Variants in TRIP11 observed in about 807,000 individuals in gnomAD.
TRIP11 encodes thyroid receptor-interacting protein 11.
A neutral mutation model predicts 223.1 loss-of-function variants in TRIP11; 148 were observed. The ratio of observed to expected loss-of-function variants is 0.66; its 90% confidence interval spans 0.58 to 0.76. The LOEUF (loss-of-function observed/expected upper bound fraction) is 0.76. Among genes scored for constraint, TRIP11 ranks in the 30% least tolerant of loss-of-function variants. The pLI is 0.00. For synonymous variants in TRIP11, 762 were observed against 772.6 expected, an observed-to-expected ratio of 0.99 and a Z score of 0.23; for missense variants, 2,043 against 2,222.0, an observed-to-expected ratio of 0.92 and a Z score of 1.62.
chr14:91,989,775 T>C (rs561256298), intron 15 of TRIP11, among the ~76,000 whole-genome samples: 1 of 152,262 alleles, frequency 6.6e-6, no homozygotes, highest in East Asian at 1.9e-4. Flanking sequence ...CACATTATTC[T>C]GGATAATTTG....
chr14:92,026,971 G>A lies in TRIP11; in HGVS notation c.202-1551C>T. ...ACTTCCCCTCTCAGAATCTAAACGT[G>A]GTCACCTTCAAGTAGAGAGGCCCGC... On this transcript the variant is annotated intron_variant, in intron 2 of 20. Coordinates refer to ENST00000267622, the MANE Select transcript of TRIP11 (RefSeq NM_004239.4). The A allele has an allele frequency of 9.1e-6, 9 of 990,388 alleles. 1 individual carries two copies. The South Asian group carries it at 9.7e-5, about 11-fold the overall frequency. The allele number at this position is 990,388 out of a possible 1,614,324, so 61.4% of individuals were successfully genotyped here. A position where few individuals can be genotyped will look rare whatever the true frequency, so the allele number is the denominator to read the frequency against.
intron 11 of TRIP11, among the ~76,000 whole-genome samples, chr14:92,001,534 G>A (rs2056826110): frequency 6.6e-6 from 1 of 151,898 alleles, no homozygotes; most frequent in Non-Finnish European, 1.5e-5. Context: ...TATATACAGA[G>A]TATTGGAAGA....
Position 92,004,719 on chromosome 14 carries a change from T to C in TRIP11, c.3257A>G (p.Tyr1086Cys), listed in dbSNP as rs2056875390. 2 of 1,614,074 alleles carry C rather than the reference T, an allele frequency of 1.2e-6. No homozygotes were observed. Among genetic ancestry groups the C allele is most frequent in the African/African-American group, 2.7e-5 (2 of 74,948 alleles). The change falls in exon 11 of 21, where the codon TAC (tyrosine) becomes TGC (cysteine). Residue 1086 changes from tyrosine to cysteine, a missense_variant. Tyr to Cys is a radical substitution (Grantham distance 194). Coordinates refer to ENST00000267622, the MANE Select transcript of TRIP11 (RefSeq NM_004239.4). ...SSTSHTQDVV[Y>C]LQQQLQAYAM... ...ATAAGCCTGCAGTTGCTGTTGAAGGTAAACAACATCTTGAGTATGGGAAGT... is the reference window on the plus strand; with the variant it reads ...ATAAGCCTGCAGTTGCTGTTGAAGGCAAACAACATCTTGAGTATGGGAAGT...
chr14:92,026,853 A>T (rs2057194808), intron 2 of TRIP11: 1 of 1,517,494 alleles, frequency 6.6e-7, no homozygotes, highest in Admixed American at 1.8e-5. Flanking sequence ...GACGATGTTG[A>T]TACCAAGAAG....
intron 5 of TRIP11, 102 bp from the exon 6 acceptor site, chr14:92,015,963 C>A: frequency 8.6e-7 from 1 of 1,158,284 alleles, no homozygotes; most frequent in Non-Finnish European, 1.2e-6. Flanking sequence ...AAAAAGAATT[C>A]TCAGAACATG....
Position 91,972,773 on chromosome 14 carries a change from G to A in TRIP11, c.5663C>T (p.Pro1888Leu), listed in dbSNP as rs536357760. Residue 1888 changes from proline to leucine, a missense_variant, in exon 20 of 21, where the codon CCT becomes CTT. By Grantham distance (98) the Pro-to-Leu change is moderately conservative (BLOSUM62 -3). Coordinates refer to ENST00000267622, the MANE Select transcript of TRIP11 (RefSeq NM_004239.4). ...TTTTCTTCTTCCTGGTGAATCCAGA[G>A]GTTTCATATCATGAACAGAAAGCTT... ...PPKLSVHDMK[P>L]LDSPGRRKRD... The A allele has an allele frequency of 5.8e-5, 94 of 1,613,284 alleles. No homozygotes were observed. The South Asian group carries it at 7.9e-4, about 14-fold the overall frequency.
chr14:92,025,517 C>CCCT (rs1374152842), intron 2 of TRIP11, 97 bp from the exon 3 acceptor site: 2 of 782,004 alleles, frequency 2.6e-6, no homozygotes, highest in Non-Finnish European at 2.1e-6. Context: ...TTTCCCCCCC[C>CCCT]AAAAATGTCA....
At chr14:92,027,000 C>T (rs535419009) in intron 2 of TRIP11, 4 of 719,960 alleles carry the variant, frequency 5.6e-6, no homozygotes, top group Admixed American at 4.6e-5. Flanking sequence ...GGCCCGCCCG[C>T]CCACCGTGGG....
At chr14:92,012,846 C>G (rs920525886) in intron 7 of TRIP11, among the ~76,000 whole-genome samples, 1 of 152,066 alleles carries the variant, frequency 6.6e-6, no homozygotes. Flanking sequence ...AACATCATCC[C>G]GAAGTTCACA....
At chr14:92,001,565 C>G (rs2056826480) in intron 11 of TRIP11, among the ~76,000 whole-genome samples, 1 of 151,852 alleles carries the variant, frequency 6.6e-6, no homozygotes, top group Admixed American at 6.6e-5. Context: ...CACTAATTAC[C>G]CTCAAGTAAT....
Position 91,999,227 on chromosome 14 carries a change from A to C in TRIP11, c.4892+13T>G. 6.2e-7 allele frequency: 1 copy of C among 1,611,558 alleles called. No homozygotes were observed. The highest frequency in any genetic ancestry group is 1.3e-5 in the African/African-American group (1 of 75,010). ...GTTCAGTTAAAGTTAATGCAAAAAA[A>C]TGAAAAAATTACCTTGCATTTTCCA... is the stretch of plus-strand genomic sequence containing the variant. On this transcript the variant is annotated intron_variant, in intron 13 of 20. Coordinates refer to ENST00000267622, the MANE Select transcript of TRIP11 (RefSeq NM_004239.4).
chr14:92,020,671 A>AAC (rs2057100388), intron 4 of TRIP11, among the ~76,000 whole-genome samples: 1 of 152,116 alleles, frequency 6.6e-6, no homozygotes, highest in Non-Finnish European at 1.5e-5. Flanking sequence ...TTAAAAAAAA[A>AAC]AAAAAGGATC....
Position 91,993,896 on chromosome 14 carries a change from A to G in TRIP11, c.5073T>C (p.Tyr1691=), listed in dbSNP as rs1252221268. The G allele has an allele frequency of 6.2e-7, 1 of 1,613,030 alleles. No homozygotes were observed. The highest frequency in any genetic ancestry group is 1.1e-5 in the South Asian group (1 of 91,048). ...EHFQQEEKAM[Y]SAELEKQKQL... ...GTTTTTGCTTTTCGAGTTCAGCAGA[A>G]TACATAGCTTTTTCCTCTAAAGAGA... is the stretch of plus-strand genomic sequence containing the variant. Residue 1691 remains tyrosine (Y), a synonymous_variant, in exon 15 of 21, where the codon TAT becomes TAC. Coordinates refer to ENST00000267622, the MANE Select transcript of TRIP11 (RefSeq NM_004239.4).
chr14:92,010,988 T>G lies in TRIP11; in HGVS notation c.1312A>C (p.Lys438Gln). The G allele has an allele frequency of 6.2e-7, 1 of 1,613,980 alleles. No homozygotes were observed. The change falls in exon 9 of 21, where the codon AAG becomes CAG. Residue 438 changes from lysine to glutamine, a missense_variant and splice_region_variant. Physicochemically the swap from Lys to Gln is moderately conservative, Grantham distance 53. Coordinates refer to ENST00000267622, the MANE Select transcript of TRIP11 (RefSeq NM_004239.4). Reference protein sequence around the residue: ...EKEKSLLSQEKEELQMSLLKL... With the variant: ...EKEKSLLSQEQEELQMSLLKL... ...GCCCCCATTTTTACAGCACCCACCT[T>G]TTCTTGACTCAGTAATGACTTCTCT...
intron 3 of TRIP11, 24 bp downstream of exon 3, chr14:92,025,286 T>C (rs373375485): frequency 2.0e-5 from 31 of 1,513,472 alleles, no homozygotes; most frequent in Admixed American, 3.3e-5. Context: ...GAAGTACATA[T>C]GAAGTAACTG....
chr14:92,024,397 C>T (rs1247531659), intron 3 of TRIP11, among the ~76,000 whole-genome samples: 1 of 151,312 alleles, frequency 6.6e-6, no homozygotes, highest in Non-Finnish European at 1.5e-5. Context: ...ATTATTTGAA[C>T]TTGCAACTTT....
At position 92,006,287 on chromosome 14, in the gene TRIP11, C is replaced by A. The variant is rs749219134; in HGVS notation, c.1689G>T (p.Lys563Asn). Reference protein sequence around the residue: ...ITKELDVQKEKLIQSEVALND... With the variant: ...ITKELDVQKENLIQSEVALND... ...TTAGGGCCACTTCACTTTGAATTAGCTTTTCTTTCTGTACATCTAACTCTT... is the reference window on the plus strand; with the variant it reads ...TTAGGGCCACTTCACTTTGAATTAGATTTTCTTTCTGTACATCTAACTCTT... The change falls in exon 11 of 21, where the codon AAG (lysine) becomes AAT (asparagine). Residue 563 changes from lysine (K) to asparagine (N), a missense_variant. Coordinates refer to ENST00000267622, the MANE Select transcript of TRIP11 (RefSeq NM_004239.4). 6.2e-7 allele frequency: 1 copy of A among 1,610,194 alleles called. No homozygotes were observed. Among genetic ancestry groups the A allele is most frequent in the Admixed American group, 1.7e-5 (1 of 59,540 alleles).
chr14:91,992,769 T>C (rs937463449), intron 15 of TRIP11, among the ~76,000 whole-genome samples: 12 of 151,140 alleles, frequency 7.9e-5, no homozygotes, highest in Middle Eastern at 6.8e-3. Context: ...ATTAGCCGGG[T>C]GTGGTGGCGG....
At chr14:91,979,384 G>A (rs2140087770) in intron 16 of TRIP11, among the ~76,000 whole-genome samples, 1 of 152,092 alleles carries the variant, frequency 6.6e-6, no homozygotes, top group Non-Finnish European at 1.5e-5. Flanking sequence ...TTTTAACTTT[G>A]CTCTATGAAA....
Sources: allele counts gnomAD v4.1 joint callset (sites outside exome capture counted in the v4.1 genomes callset), GRCh38; gene constraint gnomAD v4.1.1; transcripts MANE v1.5; gene names NCBI Gene and HGNC (gene_info 2026-07-23, HGNC 2026-07-21).